The following REV1 variants were observed in gnomAD, a reference collection of about 807,000 sequenced individuals.
The protein encoded by REV1 is translesion synthesis protein REV1.
Under a neutral mutation model 137.4 loss-of-function variants are expected in REV1, and 42 were observed. That is an observed-to-expected ratio of 0.31 (90% CI 0.24 to 0.40). The LOEUF is 0.40. Ranked by LOEUF, REV1 falls within the 10% of genes least tolerant of loss-of-function variation. The probability of loss-of-function intolerance (pLI) is 1.00; values close to 1 mark genes in which losing one functional copy is unlikely to be tolerated. For missense variants in REV1, 1,282 were observed against 1,490.1 expected (o/e 0.86, Z 2.30); for synonymous variants, 524 against 519.2 (o/e 1.01, Z -0.12).
chr2:99,401,961 T>C (rs1675515079), intron 22 of REV1, among the ~76,000 whole-genome samples: 1 of 152,142 alleles, frequency 6.6e-6, no homozygotes, highest in Non-Finnish European at 1.5e-5. Context: ...TTGGCCAGGC[T>C]GGTCTCAAAC....
Position 99,431,721 on chromosome 2 carries a change from T to G in REV1, c.1439-1773A>C, listed in dbSNP as rs540351712. ...CTGAGAGGCAGCACCATCGTGTTCC[T>G]CTCCATTGGGCTGGCTGACCTGTTC... On this transcript the variant is annotated intron_variant, in intron 8 of 22. Coordinates refer to ENST00000258428, the MANE Select transcript of REV1 (RefSeq NM_016316.4). The G allele has an allele frequency of 2.7e-5, 27 of 985,446 alleles. No individual in the cohort carries two copies. The Admixed American group carries it at 1.5e-3, about 56-fold the overall frequency. 61.0% of individuals were successfully genotyped at this position (985,446 alleles called of 1,614,324 possible). A position where few individuals can be genotyped will look rare whatever the true frequency, so the allele number is the denominator to read the frequency against.
In REV1 at chr2:99,424,147, T is replaced by C; in HGVS notation, c.1676+5A>G. ...GACACAAAATGACAGTTTGATACAC[T>C]GTACCTTGCCAATGTTTCATACAAT... On this transcript the variant is annotated splice_donor_5th_base_variant and intron_variant, in intron 10 of 22. Transcript: ENST00000258428. 1.2e-6 allele frequency: 2 copies of C among 1,613,570 alleles called. No homozygotes were observed.
chr2:99,489,787 C>G (rs1687514858), intron 1 of REV1, 30 bp downstream of exon 1: 1 of 149,816 alleles, frequency 6.7e-6, no homozygotes, highest in Non-Finnish European at 1.5e-5. Context: ...GCCCCTCCCC[C>G]ACCCCGCCGC....
chr2:99,471,530 G>A (rs192659040), intron 1 of REV1, among the ~76,000 whole-genome samples: 2 of 152,178 alleles, frequency 1.3e-5, no homozygotes, highest in African/African-American at 4.8e-5. Flanking sequence ...ACTTTTTGGG[G>A]AAAATGTAAC....
rs1247308895 is a variant in REV1, at chr2:99,418,696, T to C, written c.1951+132A>G. ...GCAGAATTCCAAATTTTGTTTTTCA[T>C]GGCACTCAATAAGACTTAAAAATTT... On this transcript the variant is annotated intron_variant, in intron 12 of 22. Transcript: ENST00000258428. 4.3e-6 allele frequency: 3 copies of C among 690,602 alleles called. No homozygotes were observed. In the Middle Eastern group the frequency reaches 1.3e-3, roughly 306 times the overall value. 42.8% of individuals were successfully genotyped at this position (690,602 alleles called of 1,614,324 possible).
chr2:99,403,009 A>T lies in REV1; in HGVS notation c.3264T>A (p.Ser1088Arg). The T allele has an allele frequency of 6.2e-7, 1 of 1,613,634 alleles. No individual in the cohort carries two copies. The highest frequency in any genetic ancestry group is 8.5e-7 in the Non-Finnish European group (1 of 1,179,818). ...KTIGSPKRIQ[S>R]PLNNKLLNSP... ...TGTTAAGCAGCTTGTTATTCAAAGG[A>T]CTCTGAATCCTTTTTGGTGAACCAA... Residue 1088 changes from serine to arginine, a missense_variant, in exon 20 of 23, where the codon AGT (serine) becomes AGA (arginine). By Grantham distance (110) the Ser-to-Arg change is moderately radical (BLOSUM62 -1). Transcript: ENST00000258428.
At chr2:99,431,878 A>C in intron 8 of REV1, 1 of 985,478 alleles carries the variant, frequency 1.0e-6, no homozygotes, top group Non-Finnish European at 1.2e-6. Context: ...AACTTGACAA[A>C]CTAGACGGGC....
intron 1 of REV1, among the ~76,000 whole-genome samples, chr2:99,482,862 C>G (rs1173349816): frequency 6.6e-6 from 1 of 151,898 alleles, no homozygotes; most frequent in African/African-American, 2.4e-5. Flanking sequence ...ACTAAAAATA[C>G]AAAACCCAGC....
chr2:99,421,728 T>G (rs1678713695), intron 10 of REV1, 75 bp from the exon 11 acceptor site: 1 of 1,428,180 alleles, frequency 7.0e-7, no homozygotes, highest in Admixed American at 2.3e-5. Flanking sequence ...CAAAATAGTC[T>G]TCTTATCCTC....
intron 18 of REV1, 108 bp from the exon 19 acceptor site, chr2:99,403,923 T>C (rs1206772760): frequency 1.5e-6 from 2 of 1,364,166 alleles, no homozygotes; most frequent in Non-Finnish European, 2.0e-6. Flanking sequence ...TTTTCTGATC[T>C]GTACGAATTC....
chr2:99,450,288 G>A (rs1682773135), intron 3 of REV1, among the ~76,000 whole-genome samples: 1 of 152,028 alleles, frequency 6.6e-6, no homozygotes, highest in Non-Finnish European at 1.5e-5. Context: ...TTCCCCCTAA[G>A]AAGAAATGTC....
At position 99,464,966 on chromosome 2, in the gene REV1, C is replaced by T; in HGVS notation, c.10G>A (p.Gly4Ser). 1 of 1,613,288 alleles carries T rather than the reference C, an allele frequency of 6.2e-7. No homozygotes were observed. The change falls in exon 2 of 23, where the codon GGT becomes AGT. Residue 4 changes from glycine to serine, a missense_variant. Coordinates refer to ENST00000258428, the MANE Select transcript of REV1 (RefSeq NM_016316.4). ...TTTTCAGCTCGCTTCCTCCATCCACCTCGCCTCATGGTGGAGCTTCTGTAT... is the reference window on the plus strand; with the variant it reads ...TTTTCAGCTCGCTTCCTCCATCCACTTCGCCTCATGGTGGAGCTTCTGTAT... MRR[G>S]GWRKRAENDG...
chr2:99,465,954 T>A (rs940149084), intron 1 of REV1, among the ~76,000 whole-genome samples: 1 of 152,182 alleles, frequency 6.6e-6, no homozygotes, highest in African/African-American at 2.4e-5. Flanking sequence ...ATTTATTATT[T>A]TTTTTGAGAC....
intron 3 of REV1, among the ~76,000 whole-genome samples, chr2:99,456,940 A>G (rs10183488): frequency 3.5e-4 from 53 of 152,312 alleles, no homozygotes; most frequent in African/African-American, 1.2e-3. Context: ...AAATTTAAGA[A>G]CATGAGGTTG....
chr2:99,434,398 G>A lies in REV1; in HGVS notation c.1372C>T (p.Arg458Cys), dbSNP rs1041662856. The change falls in exon 8 of 23, where the codon CGT becomes TGT. Residue 458 changes from arginine to cysteine, a missense_variant. This residue lies in a region of REV1 where 432 missense variants were observed against 438.0 expected (regional missense o/e 0.99). Coordinates refer to ENST00000258428, the MANE Select transcript of REV1 (RefSeq NM_016316.4). ...TCCAGCTGGGGGTTAGCGCCAGGAC[G>A]TAAAGGTGCCCTTCCTGTGCCTCTG... is the stretch of plus-strand genomic sequence containing the variant. ...SNRGTGRAPL[R>C]PGANPQLEWQ... is the part of the protein sequence containing the mutation. The A allele has an allele frequency of 1.1e-5, 17 of 1,604,778 alleles. No individual in the cohort carries two copies. Among genetic ancestry groups the A allele is most frequent in the South Asian group, 5.6e-5 (5 of 89,180 alleles).
Position 99,405,855 on chromosome 2 carries a change from G to A in REV1, c.2811+55C>T, listed in dbSNP as rs1574973440. Reference sequence around the variant, plus strand: ...TTTTCATTTGTAAACTTGTATTTTTGTATTTATATTTAGGAGTATAAAATG... The same window carrying A: ...TTTTCATTTGTAAACTTGTATTTTTATATTTATATTTAGGAGTATAAAATG... On this transcript the variant is annotated intron_variant, in intron 17 of 22. Coordinates refer to ENST00000258428, the MANE Select transcript of REV1 (RefSeq NM_016316.4). 3.4e-6 allele frequency: 4 copies of A among 1,161,520 alleles called. No homozygotes were observed. In the South Asian group the frequency reaches 8.1e-5, roughly 24 times the overall value. The allele number at this position is 1,161,520 out of a possible 1,614,324, so 72.0% of individuals were successfully genotyped here.
intron 3 of REV1, among the ~76,000 whole-genome samples, chr2:99,452,910 A>G (rs1683087369): frequency 1.3e-5 from 2 of 152,224 alleles, no homozygotes; most frequent in South Asian, 4.1e-4. Context: ...TGGCTCCATC[A>G]TTTGCTAGTT....
At chr2:99,470,262 A>AT (rs1685267991) in intron 1 of REV1, among the ~76,000 whole-genome samples, 1 of 152,248 alleles carries the variant, frequency 6.6e-6, no homozygotes, top group African/African-American at 2.4e-5. Flanking sequence ...TGATGGTTAC[A>AT]TATCTGTAAC....
intron 12 of REV1, among the ~76,000 whole-genome samples, chr2:99,414,768 C>T (rs976975750): frequency 4.4e-4 from 67 of 152,190 alleles, no homozygotes; most frequent in Non-Finnish European, 7.3e-5. Flanking sequence ...ATGATCTTTC[C>T]GTTACAGTTC....
Sources: gnomAD v4.1 joint callset for allele counts (sites outside exome capture counted in the v4.1 genomes callset) on GRCh38, gnomAD v4.1.1 for gene constraint, gnomAD v4.1.1 regional missense constraint, MANE v1.5 for transcripts, NCBI Gene and HGNC (gene_info 2026-07-23, HGNC 2026-07-21) for gene names.